Variants in CNIH3 observed in about 807,000 individuals in gnomAD.
CNIH3 encodes the protein cornichon family AMPA receptor auxiliary protein 3.
In CNIH3, 14 loss-of-function variants were observed where a neutral mutation model predicts 24.1. That is an observed-to-expected ratio of 0.58 (90% confidence interval 0.38 to 0.91). The LOEUF (loss-of-function observed/expected upper bound fraction) is 0.91, where lower values mean the gene tolerates loss of function less well. Among genes scored for constraint, CNIH3 ranks in the 40% least tolerant of loss-of-function variants. The pLI, the probability that CNIH3 is intolerant of heterozygous loss-of-function variation, is 0.00. For synonymous variants in CNIH3, 68 were observed against 73.8 expected, an observed-to-expected ratio of 0.92 and a Z score of 0.40; for missense variants, 178 against 196.8, an observed-to-expected ratio of 0.90 and a Z score of 0.57.
At chr1:224,511,785 G>A (rs182055239), upstream of CNIH3, among the ~76,000 whole-genome samples, 13 of 152,216 alleles carry the variant, frequency 8.5e-5, no homozygotes, top group East Asian at 2.5e-3. Context: ...GTTTAGGAGG[G>A]CGAGGCTGCA....
chr1:224,555,924 C>G (rs1264409430), intron 3 of CNIH3, among the ~76,000 whole-genome samples: 1 of 152,184 alleles, frequency 6.6e-6, no homozygotes, highest in Non-Finnish European at 1.5e-5. Context: ...AATATTGACT[C>G]CCACCAGTTA....
At chr1:224,636,702 A>G (rs1684100147) in intron 1 of CNIH3, among the ~76,000 whole-genome samples, 1 of 152,174 alleles carries the variant, frequency 6.6e-6, no homozygotes. Context: ...TACTTCCTCC[A>G]CAACTCCTAA....
chr1:224,526,743 T>C (rs1678861840), intron 2 of CNIH3, among the ~76,000 whole-genome samples: 1 of 152,178 alleles, frequency 6.6e-6, no homozygotes, highest in Non-Finnish European at 1.5e-5. Context: ...GGGTAATTTA[T>C]AACAGGTTTA....
intron 2 of CNIH3, among the ~76,000 whole-genome samples, chr1:224,545,495 A>C (rs1055705608): frequency 6.6e-6 from 1 of 152,182 alleles, no homozygotes; most frequent in African/African-American, 2.4e-5. Context: ...GTCCTTTCAG[A>C]ATTCCTGCCC....
At chr1:224,572,945 A>C (rs1024410444) in intron 4 of CNIH3, among the ~76,000 whole-genome samples, 2 of 152,198 alleles carry the variant, frequency 1.3e-5, no homozygotes, top group African/African-American at 4.8e-5. Context: ...GAAATGAAAA[A>C]TTCCTAGAAA....
At chr1:224,592,291 G>A (rs1037319081), downstream of CNIH3, among the ~76,000 whole-genome samples, 1 of 152,124 alleles carries the variant, frequency 6.6e-6, no homozygotes, top group African/African-American at 2.4e-5. Flanking sequence ...TGAGATTCTG[G>A]TCGAGCTTAG....
intron 1 of CNIH3, among the ~76,000 whole-genome samples, chr1:224,652,279 A>G (rs188234601): frequency 8.7e-4 from 132 of 152,124 alleles, no homozygotes; most frequent in African/African-American, 3.0e-3. Context: ...GGGTAACTTT[A>G]ACATTCCTGG....
At chr1:224,671,315 C>T (rs963144154) in intron 1 of CNIH3, among the ~76,000 whole-genome samples, 1 of 152,352 alleles carries the variant, frequency 6.6e-6, no homozygotes, top group Admixed American at 6.5e-5. Context: ...GGAAGTTCAA[C>T]TTCCTCTCCT....
chr1:224,590,675 C>A (rs539037971), downstream of CNIH3, among the ~76,000 whole-genome samples: 2 of 152,134 alleles, frequency 1.3e-5, no homozygotes, highest in Non-Finnish European at 2.9e-5. Flanking sequence ...CCCTCGTGAC[C>A]TAAACACCCC....
chr1:224,447,236 A>G (rs1348460611), intron 1 of CNIH3, among the ~76,000 whole-genome samples: 1 of 152,070 alleles, frequency 6.6e-6, no homozygotes, highest in Admixed American at 6.6e-5. Context: ...GAACTAGGGA[A>G]GCTGATGGTG....
intron 1 of CNIH3, among the ~76,000 whole-genome samples, chr1:224,438,865 G>A (rs1037022751): frequency 2.4e-4 from 36 of 152,262 alleles, no homozygotes; most frequent in Admixed American, 3.9e-4. Context: ...ATGAGATAAC[G>A]AATATAACAA....
intron 1 of CNIH3, among the ~76,000 whole-genome samples, chr1:224,656,551 G>T (rs1466906805): frequency 1.3e-5 from 2 of 152,246 alleles, no homozygotes; most frequent in African/African-American, 2.4e-5. Flanking sequence ...CGGGCGGCGG[G>T]GGGGCGGTGT....
chr1:224,716,595 T>C (rs998119853), intron 3 of CNIH3, among the ~76,000 whole-genome samples: 2 of 151,732 alleles, frequency 1.3e-5, no homozygotes, highest in Admixed American at 1.3e-4. Flanking sequence ...GCAGCAGGAA[T>C]GGAAATTTGG....
chr1:224,533,903 G>A (rs963423583), intron 2 of CNIH3, among the ~76,000 whole-genome samples: 7 of 152,200 alleles, frequency 4.6e-5, no homozygotes, highest in African/African-American at 1.4e-4. Context: ...AGTGGCTTGC[G>A]CTTGTAATCC....
At chr1:224,571,839 C>T (rs764538759) in intron 4 of CNIH3, among the ~76,000 whole-genome samples, 1 of 152,110 alleles carries the variant, frequency 6.6e-6, no homozygotes, top group Non-Finnish European at 1.5e-5. Context: ...GAGGGAGGGA[C>T]CTGAGGGCCA....
intron 1 of CNIH3, among the ~76,000 whole-genome samples, chr1:224,474,683 A>T (rs981077721): frequency 1.3e-5 from 2 of 152,118 alleles, no homozygotes; most frequent in Non-Finnish European, 2.9e-5. Context: ...TGAAAAGATA[A>T]AATTGACAAA....
In CNIH3 at chr1:224,473,765, T is replaced by A. The variant is rs1278706064; in HGVS notation, n.203+38903T>A. On this transcript the variant is annotated intron_variant and non_coding_transcript_variant, in intron 1 of 5. Transcript: ENST00000471578. ...TAGACAGAAAATCAACAAAGAAACA[T>A]TGGATTTAATCTGCACTATAGACCA... is the stretch of plus-strand genomic sequence containing the variant. Among the ~76,000 whole-genome samples the A allele has an allele frequency of 2.0e-5, 3 of 152,128 alleles. No homozygotes were observed. In the South Asian group the frequency reaches 6.2e-4, roughly 31 times the overall value.
chr1:224,511,370 C>T (rs1429212005), upstream of CNIH3, among the ~76,000 whole-genome samples: 1 of 152,182 alleles, frequency 6.6e-6, no homozygotes. Context: ...TTGTGAAGTG[C>T]TTTGAGGTCC....
intron 1 of CNIH3, among the ~76,000 whole-genome samples, chr1:224,443,091 C>T (rs1252523925): frequency 1.3e-5 from 2 of 152,152 alleles, no homozygotes; most frequent in African/African-American, 2.4e-5. Context: ...TCCAAGAAAT[C>T]CTTGTTGAAA....
Sources: allele counts gnomAD v4.1 joint callset (sites outside exome capture counted in the v4.1 genomes callset), GRCh38; gene constraint gnomAD v4.1.1; transcripts MANE v1.5; gene names NCBI Gene and HGNC (gene_info 2026-07-23, HGNC 2026-07-21).